The following ZFYVE26 variants were observed in gnomAD, a reference collection of about 807,000 sequenced individuals.
The protein encoded by ZFYVE26 is zinc finger FYVE-type containing 26, also known as zinc finger FYVE domain-containing protein 26.
A neutral mutation model predicts 276.5 loss-of-function variants in ZFYVE26; 181 were observed. That is an observed-to-expected ratio of 0.65 (90% confidence interval 0.58 to 0.74). The LOEUF (loss-of-function observed/expected upper bound fraction) is 0.74, where lower values mean the gene tolerates loss of function less well. ZFYVE26 is among the 30% of genes least tolerant of loss of function. ZFYVE26 has a pLI of 0.00. For missense variants in ZFYVE26, 2,821 were observed against 3,097.9 expected (o/e 0.91, Z 2.12); for synonymous variants, 1,129 against 1,203.1 (o/e 0.94, Z 1.27).
intron 12 of ZFYVE26, among the ~76,000 whole-genome samples, chr14:67,795,128 T>G (rs1029002226): frequency 1.1e-4 from 16 of 152,328 alleles, no homozygotes; most frequent in African/African-American, 3.8e-4. Flanking sequence ...CTCAGCCTCA[T>G]GCAAGGGAGG....
intron 23 of ZFYVE26, 116 bp downstream of exon 23, chr14:67,780,125 A>C: frequency 1.0e-6 from 1 of 983,866 alleles, no homozygotes; most frequent in Non-Finnish European, 1.6e-6. Flanking sequence ...AGAATGTGGT[A>C]TAGTTATTTT....
chr14:67,733,427 T>C (rs903152253), intron 13 of ZFYVE26, among the ~76,000 whole-genome samples: 3 of 152,234 alleles, frequency 2.0e-5, no homozygotes, highest in African/African-American at 7.2e-5. Flanking sequence ...AATAGAATTA[T>C]AAATATTTTT....
chr14:67,802,009 T>A, intron 10 of ZFYVE26, 70 bp downstream of exon 10: 2 of 1,563,190 alleles, frequency 1.3e-6, no homozygotes, highest in Non-Finnish European at 1.8e-6. Flanking sequence ...TGGAAGAGGG[T>A]AAACACACAA....
rs540133995 is a variant in ZFYVE26, at chr14:67,787,959, TA to T, written c.3019+1375del. On this transcript the variant is annotated intron_variant, in intron 16 of 41. Coordinates refer to ENST00000347230, the MANE Select transcript of ZFYVE26 (RefSeq NM_015346.4). ...GTTTCCTATGCTTACGTACTTTCCCTAAATAATAACAGTGGCTCACTGGCCC... is the reference window on the plus strand; with the variant it reads ...GTTTCCTATGCTTACGTACTTTCCCTAATAATAACAGTGGCTCACTGGCCC... Among the ~76,000 whole-genome samples, 18 of 152,300 alleles carry T rather than the reference TA, an allele frequency of 1.2e-4. 1 individual carries two copies. In the South Asian group the frequency reaches 3.7e-3, roughly 32 times the overall value.
intron 27 of ZFYVE26, among the ~76,000 whole-genome samples, chr14:67,773,938 G>A (rs922494643): frequency 6.6e-6 from 1 of 152,116 alleles, no homozygotes; most frequent in Non-Finnish European, 1.5e-5. Context: ...GGAGACCAGG[G>A]GACTGGTGAA....
Position 67,806,670 on chromosome 14 carries a change from G to A in ZFYVE26, c.892C>T (p.Pro298Ser). Residue 298 changes from proline to serine, a missense_variant, in exon 6 of 42, where the codon CCG becomes TCG. By Grantham distance (74) the Pro-to-Ser change is moderately conservative (BLOSUM62 -1). Coordinates refer to ENST00000347230, the MANE Select transcript of ZFYVE26 (RefSeq NM_015346.4). ...GCCCGCTCAGGATCTAGATGATCCG[G>A]TGAGACTGAACATCAAACAAGACGG... ...PRATASGKVS[P>S]DHLDPERAML... 1.9e-6 allele frequency: 3 copies of A among 1,614,010 alleles called. No homozygotes were observed. Among genetic ancestry groups the A allele is most frequent in the South Asian group, 1.1e-5 (1 of 91,042 alleles).
Position 67,781,403 on chromosome 14 carries a change from T to C in ZFYVE26, c.4499A>G (p.Asp1500Gly). ...CLEILAYCISDTAVQEGLKCE... is the reference protein window; with the variant it reads ...CLEILAYCISGTAVQEGLKCE... ...CTTTAGTCCTTCTTGGACAGCCGTG[T>C]CTGAAATGCAGTAGGCCAGAATCTC... is the stretch of plus-strand genomic sequence containing the variant. The change falls in exon 22 of 42, where the codon GAC becomes GGC. Residue 1500 changes from aspartate to glycine, a missense_variant. Asp to Gly is a moderately conservative substitution (Grantham distance 94, BLOSUM62 -1). Transcript: ENST00000347230. 6.2e-7 allele frequency: 1 copy of C among 1,614,186 alleles called. No homozygotes were observed. The highest frequency in any genetic ancestry group is 1.1e-5 in the South Asian group (1 of 91,078).
intron 41 of ZFYVE26, among the ~76,000 whole-genome samples, chr14:67,749,214 T>C (rs1307973005): frequency 6.6e-6 from 1 of 152,168 alleles, no homozygotes; most frequent in African/African-American, 2.4e-5. Context: ...TAGATCCTCC[T>C]CTATTTTTCT....
rs114527583 is a variant in ZFYVE26, at chr14:67,767,410, T to C, written c.5790+294A>G. The stretch of plus-strand genomic sequence containing the variant: ...TGTTTTAATTTTGTATTCTTTGTCC[T>C]TCCCCATCCCCACTCTCCTCACGAC... On this transcript the variant is annotated intron_variant, in intron 31 of 41. Transcript: ENST00000347230. 7.2e-3 allele frequency among the ~76,000 whole-genome samples: 1,097 copies of C among 152,068 alleles called. 13 individuals carry two copies. Among genetic ancestry groups the C allele is most frequent in the African/African-American group, 0.025 (1,048 of 41,482 alleles).
At chr14:67,760,886 T>G in intron 35 of ZFYVE26, 1 of 242,898 alleles carries the variant, frequency 4.1e-6, no homozygotes, top group East Asian at 8.8e-5. Flanking sequence ...TCTTCTTTCA[T>G]CATCTATTTG....
At chr14:67,797,549 G>T in intron 12 of ZFYVE26, 123 bp downstream of exon 12, 1 of 1,081,970 alleles carries the variant, frequency 9.2e-7, no homozygotes. Context: ...CCTTGAGGGA[G>T]TGGGAATAGG....
In ZFYVE26 at chr14:67,769,900, T is replaced by A. The variant is rs372926988; in HGVS notation, c.5485-170A>T. 5.2e-5 allele frequency: 46 copies of A among 881,274 alleles called. 1 individual carries two copies. In the African/African-American group the frequency reaches 7.2e-4, roughly 14 times the overall value. 54.6% of individuals were successfully genotyped at this position (881,274 alleles called of 1,614,324 possible). ...CCAGTCCTTGCCCTCAAAAATTGAA[T>A]GTTTAAAAATATCTGTCAGCTGATG... On this transcript the variant is annotated intron_variant, in intron 28 of 41. Coordinates refer to ENST00000347230, the MANE Select transcript of ZFYVE26 (RefSeq NM_015346.4).
chr14:67,793,548 C>T, intron 14 of ZFYVE26, 60 bp downstream of exon 14: 2 of 1,579,454 alleles, frequency 1.3e-6, no homozygotes, highest in Non-Finnish European at 8.6e-7. Context: ...GTTGTACATG[C>T]TCCGAGCCTT....
chr14:67,751,222 T>TC, intron 40 of ZFYVE26, 126 bp from the exon 41 acceptor site: 1 of 1,048,448 alleles, frequency 9.5e-7, no homozygotes, highest in Non-Finnish European at 1.5e-6. Context: ...ACTTTTTTTT[T>TC]CTCAAAGACA....
intron 10 of ZFYVE26, among the ~76,000 whole-genome samples, chr14:67,800,558 G>T (rs905164444): frequency 1.7e-4 from 26 of 152,070 alleles, no homozygotes; most frequent in African/African-American, 6.0e-4. Context: ...CTTCTTAGAG[G>T]CCCCTTTCTG....
Position 67,748,355 on chromosome 14 carries a change from G to A in ZFYVE26, c.*81C>T. ...AGAGCCAGAGAAGTCCCACTCCACTGGAGGAAAGAGGTGGAGGGCATCGCC... is the reference window on the plus strand; with the variant it reads ...AGAGCCAGAGAAGTCCCACTCCACTAGAGGAAAGAGGTGGAGGGCATCGCC... On this transcript the variant is annotated 3_prime_UTR_variant, in exon 42 of 42. Transcript: ENST00000347230. The A allele has an allele frequency of 6.8e-7, 1 of 1,476,266 alleles. No individual in the cohort carries two copies. Among genetic ancestry groups the A allele is most frequent in the Non-Finnish European group, 9.3e-7 (1 of 1,079,552 alleles). 91.4% of individuals were successfully genotyped at this position (1,476,266 alleles called of 1,614,324 possible).
rs774523112 is a variant in ZFYVE26 at position 67,772,163 on chromosome 14, G to A, written c.5368C>T (p.Pro1790Ser). ...SPSLRERSFP[P>S]TQPSQEFVPP... is the part of the protein sequence containing the mutation. Reference sequence around the variant, plus strand: ...ACAAATTCCTGTGAGGGCTGGGTTGGTGGGAAACTCCTTTCCCTTAGACTA... The same window carrying A: ...ACAAATTCCTGTGAGGGCTGGGTTGATGGGAAACTCCTTTCCCTTAGACTA... Residue 1790 changes from proline to serine, a missense_variant, in exon 28 of 42, where the codon CCA becomes TCA. By Grantham distance (74) the Pro-to-Ser change is moderately conservative. Coordinates refer to ENST00000347230, the MANE Select transcript of ZFYVE26 (RefSeq NM_015346.4). 6 of 1,613,342 alleles carry A rather than the reference G, an allele frequency of 3.7e-6. No homozygotes were observed. The South Asian group carries it at 6.6e-5, about 18-fold the overall frequency.
At chr14:67,762,520 G>T in intron 33 of ZFYVE26, 108 bp from the exon 34 acceptor site, 1 of 1,526,126 alleles carries the variant, frequency 6.6e-7, no homozygotes, top group Non-Finnish European at 8.9e-7. Context: ...CCCACTATCT[G>T]CCATTACTTC....
Position 67,802,225 on chromosome 14 carries a change from TAG to T in ZFYVE26, c.1491_1492del (p.Tyr498ProfsTer32). The T allele has an allele frequency of 6.2e-7, 1 of 1,614,198 alleles. No individual in the cohort carries two copies. The highest frequency in any genetic ancestry group is 8.5e-7 in the Non-Finnish European group (1 of 1,180,028). ...ATACTTCATGGCACAGAAGCCCTGG[TAG>T]AGTGTCAGGTTCTGACACTGGCTCA... On this transcript the variant is annotated frameshift_variant, in exon 10 of 42. Coordinates refer to ENST00000347230, the MANE Select transcript of ZFYVE26 (RefSeq NM_015346.4). LOFTEE classifies it high-confidence loss of function.
Sources: allele counts gnomAD v4.1 joint callset (sites outside exome capture counted in the v4.1 genomes callset), GRCh38; gene constraint gnomAD v4.1.1; transcripts MANE v1.5; gene names NCBI Gene and HGNC (gene_info 2026-07-23, HGNC 2026-07-21).